Variants in ARRB1 observed in about 807,000 individuals in gnomAD.
ARRB1 encodes the protein beta-arrestin-1.
Under a neutral mutation model 56.8 loss-of-function variants are expected in ARRB1, and 21 were observed. The ratio of observed to expected loss-of-function variants is 0.37; its 90% CI spans 0.26 to 0.53. The LOEUF is 0.53. Ranked by LOEUF, ARRB1 falls within the 20% of genes least tolerant of loss-of-function variation. ARRB1 has a pLI of 0.88. For missense variants in ARRB1, 424 were observed against 553.7 expected (o/e 0.77, Z 2.35); for synonymous variants, 210 against 218.6 (o/e 0.96, Z 0.35).
chr11:75,348,451 A>G (rs1232116685), intron 1 of ARRB1, among the ~76,000 whole-genome samples: 2 of 152,190 alleles, frequency 1.3e-5, no homozygotes, highest in Admixed American at 6.5e-5. Flanking sequence ...CCTGGAGGAC[A>G]GAGTAGACTC....
rs112879386 is a variant in ARRB1, at chr11:75,270,549, C to T, written c.1022+1152G>A. ...AGGCTGAGGCAGAGAACTGCTTGAACCTGGGAGGCAGAGGTTGCAGTGAGC... is the reference window on the plus strand; with the variant it reads ...AGGCTGAGGCAGAGAACTGCTTGAATCTGGGAGGCAGAGGTTGCAGTGAGC... On this transcript the variant is annotated intron_variant, in intron 13 of 15. Coordinates refer to ENST00000420843, the MANE Select transcript of ARRB1 (RefSeq NM_004041.5). 1.3e-3 allele frequency among the ~76,000 whole-genome samples: 197 copies of T among 152,066 alleles called. 2 individuals are homozygous for T. Among genetic ancestry groups the T allele is most frequent in the Non-Finnish European group, 2.3e-3 (157 of 67,994 alleles).
chr11:75,348,537 T>C (rs1018382792), intron 1 of ARRB1, among the ~76,000 whole-genome samples: 3 of 152,100 alleles, frequency 2.0e-5, no homozygotes, highest in African/African-American at 7.2e-5. Context: ...ATATGATTGT[T>C]CCCAGAGCAC....
intron 14 of ARRB1, 24 bp from the exon 15 acceptor site, chr11:75,267,727 G>GC: frequency 8.1e-7 from 1 of 1,231,328 alleles, no homozygotes; most frequent in Non-Finnish European, 1.2e-6. Flanking sequence ...GGGTGGGCAG[G>GC]GTGTCCAGGG....
intron 1 of ARRB1, among the ~76,000 whole-genome samples, chr11:75,307,087 T>C (rs1035261215): frequency 1.3e-5 from 2 of 152,122 alleles, no homozygotes; most frequent in African/African-American, 2.4e-5. Flanking sequence ...TATGTCACCC[T>C]CACTTGCTGC....
intron 1 of ARRB1, among the ~76,000 whole-genome samples, chr11:75,320,841 C>T (rs1029855582): frequency 3.3e-5 from 5 of 152,318 alleles, no homozygotes; most frequent in African/African-American, 1.2e-4. Context: ...GACTCCCAGA[C>T]CACTGGGCGC....
intron 10 of ARRB1, 64 bp downstream of exon 10, chr11:75,276,775 A>G (rs1946209381): frequency 6.4e-7 from 1 of 1,551,340 alleles, no homozygotes; most frequent in South Asian, 1.1e-5. Flanking sequence ...GTAACAGGAC[A>G]CCTAGAGCTT....
chr11:75,320,659 T>C (rs1166809574), intron 1 of ARRB1, among the ~76,000 whole-genome samples: 8 of 152,152 alleles, frequency 5.3e-5, no homozygotes, highest in Non-Finnish European at 1.0e-4. Flanking sequence ...CCCACTCAAG[T>C]ACCCAACTCT....
chr11:75,261,092 C>T lies in ARRB1; in HGVS notation c.*5071G>A, dbSNP rs1432764591. 6.7e-6 allele frequency: 1 copy of T among 148,206 alleles called. No individual in the cohort carries two copies. Among genetic ancestry groups the T allele is most frequent in the Non-Finnish European group, 1.5e-5 (1 of 68,072 alleles). The allele number at this position is 148,206 out of a possible 1,614,324, so 9.2% of individuals were successfully genotyped here. A position where few individuals can be genotyped will look rare whatever the true frequency, so the allele number is the denominator to read the frequency against. ...CATGGGCCAATATCAGGGTCACGAC[C>T]CATCCCCACTGAGCACCAGGTCCCT... On this transcript the variant is annotated 3_prime_UTR_variant, in exon 16 of 16. Transcript: ENST00000420843.
intron 1 of ARRB1, among the ~76,000 whole-genome samples, chr11:75,297,864 C>CAAAAAAAAAAAAAA (rs34831668): frequency 6.8e-5 from 2 of 29,268 alleles, no homozygotes; most frequent in Non-Finnish European, 5.1e-5. Flanking sequence ...GACTTTGTCT[C>CAAAAAAAAAAAAAA]AAAAAAAAAA....
At chr11:75,268,781 G>A (rs771095702) in intron 14 of ARRB1, 108 bp downstream of exon 14, 13 of 1,242,428 alleles carry the variant, frequency 1.0e-5, no homozygotes, top group Admixed American at 7.3e-5. Context: ...CTGGGGACCC[G>A]AGAAAAGGGT....
At chr11:75,336,901 C>A (rs548224637) in intron 1 of ARRB1, among the ~76,000 whole-genome samples, 1 of 152,280 alleles carries the variant, frequency 6.6e-6, no homozygotes, top group South Asian at 2.1e-4. Flanking sequence ...TGCCCAGAGT[C>A]AGAGTTACAA....
chr11:75,321,670 T>A (rs1266953303), intron 1 of ARRB1, among the ~76,000 whole-genome samples: 5 of 152,144 alleles, frequency 3.3e-5, no homozygotes. Context: ...ACTCAACTTG[T>A]TTCTTCATCT....
chr11:75,267,355 G>C (rs1052551728), intron 15 of ARRB1, among the ~76,000 whole-genome samples: 1 of 152,208 alleles, frequency 6.6e-6, no homozygotes, highest in Admixed American at 6.5e-5. Context: ...CCATGGACCA[G>C]CCCTGTGTGA....
Position 75,265,724 on chromosome 11 carries a change from T to A in ARRB1, c.*439A>T. 1.1e-5 allele frequency: 2 copies of A among 182,662 alleles called. No individual in the cohort carries two copies. Among genetic ancestry groups the A allele is most frequent in the Admixed American group, 1.1e-4 (2 of 17,636 alleles). The allele number at this position is 182,662 out of a possible 1,614,324, so 11.3% of individuals were successfully genotyped here. ...GGAGGTGGCCTTCAACGCGGTCATCTTTTAGCTGCCAGAACTTTGTTAACC... is the reference window on the plus strand; with the variant it reads ...GGAGGTGGCCTTCAACGCGGTCATCATTTAGCTGCCAGAACTTTGTTAACC... On this transcript the variant is annotated 3_prime_UTR_variant, in exon 16 of 16. Transcript: ENST00000420843.
intron 2 of ARRB1, among the ~76,000 whole-genome samples, chr11:75,289,688 C>T (rs34879796): frequency 0.012 from 1,819 of 152,288 alleles, 46 homozygotes; most frequent in African/African-American, 0.041. Flanking sequence ...CACTCCCCCA[C>T]GGCCCTCGGC....
chr11:75,267,722 G>T lies in ARRB1; in HGVS notation c.1094-19C>A. On this transcript the variant is annotated intron_variant, in intron 14 of 15. Coordinates refer to ENST00000420843, the MANE Select transcript of ARRB1 (RefSeq NM_004041.5). ...TCTGGAACTAAACACAGGGTGGGTG[G>T]GCAGGGTGTCCAGGGATTAGTGAGT... is the stretch of plus-strand genomic sequence containing the variant. 7.2e-6 allele frequency: 11 copies of T among 1,521,562 alleles called. No individual in the cohort carries two copies. The highest frequency in any genetic ancestry group is 1.4e-5 in the African/African-American group (1 of 73,062). The allele number at this position is 1,521,562 out of a possible 1,614,324, so 94.3% of individuals were successfully genotyped here. A position where few individuals can be genotyped will look rare whatever the true frequency, so the allele number is the denominator to read the frequency against.
intron 1 of ARRB1, among the ~76,000 whole-genome samples, chr11:75,337,186 C>T (rs1218310909): frequency 3.9e-5 from 6 of 152,106 alleles, no homozygotes; most frequent in Non-Finnish European, 7.4e-5. Context: ...CACAGTGGCT[C>T]ACACCTATAA....
At chr11:75,313,858 A>T (rs193194500) in intron 1 of ARRB1, among the ~76,000 whole-genome samples, 19 of 152,220 alleles carry the variant, frequency 1.2e-4, no homozygotes, top group Admixed American at 1.2e-3. Flanking sequence ...CAGAAAAAGC[A>T]TCACAGCCAG....
chr11:75,284,446 G>T, intron 3 of ARRB1, 167 bp from the exon 4 acceptor site: 1 of 553,016 alleles, frequency 1.8e-6, no homozygotes, highest in Non-Finnish European at 3.1e-6. Flanking sequence ...CCTCCACCAC[G>T]CTCCACCCTT....
Sources: gnomAD v4.1 joint callset for allele counts (sites outside exome capture counted in the v4.1 genomes callset) on GRCh38, gnomAD v4.1.1 for gene constraint, MANE v1.5 for transcripts, NCBI Gene and HGNC (gene_info 2026-07-23, HGNC 2026-07-21) for gene names.